Variants in RASA2 observed in about 807,000 individuals in gnomAD.
The protein encoded by RASA2 is ras GTPase-activating protein 2.
Under a neutral mutation model 118.2 loss-of-function variants are expected in RASA2, and 155 were observed. The ratio of observed to expected loss-of-function variants is 1.31; its 90% CI spans 1.15 to 1.50. The LOEUF is 1.50. Among genes scored for constraint, RASA2 ranks in the 40% most tolerant of loss-of-function variants. The pLI, the probability that RASA2 is intolerant of heterozygous loss-of-function variation, is 0.00. For missense variants in RASA2, 1,016 were observed against 1,009.6 expected (o/e 1.01, Z -0.09); for synonymous variants, 353 against 349.1 (o/e 1.01, Z -0.12).
chr3:141,506,973 TATG>T (rs2081878806), intron 1 of RASA2, among the ~76,000 whole-genome samples: 1 of 144,038 alleles, frequency 6.9e-6, no homozygotes, highest in Non-Finnish European at 1.5e-5. Context: ...TTCATGAAAA[TATG>T]AATACTGTAT....
chr3:141,588,305 T>C (rs1004025043), intron 19 of RASA2, among the ~76,000 whole-genome samples: 5 of 152,196 alleles, frequency 3.3e-5, no homozygotes, highest in Non-Finnish European at 7.3e-5. Flanking sequence ...AAGTAAATTA[T>C]AATTACAACA....
chr3:141,520,449 C>G (rs2082094614), intron 3 of RASA2, among the ~76,000 whole-genome samples: 2 of 152,054 alleles, frequency 1.3e-5, no homozygotes, highest in African/African-American at 4.8e-5. Flanking sequence ...CCCTAGAAAC[C>G]ATTCTTAATT....
chr3:141,579,123 G>A (rs934061433), intron 15 of RASA2, among the ~76,000 whole-genome samples: 4 of 152,006 alleles, frequency 2.6e-5, no homozygotes, highest in Non-Finnish European at 4.4e-5. Flanking sequence ...TGTGGGGGTT[G>A]GGGGGATACT....
chr3:141,518,653 A>G (rs1217439110), intron 3 of RASA2, among the ~76,000 whole-genome samples: 5 of 151,652 alleles, frequency 3.3e-5, no homozygotes, highest in Admixed American at 6.6e-5. Flanking sequence ...TCTGGCTTCT[A>G]TGTTTTTTTG....
chr3:141,552,142 C>T (rs1266788680), intron 5 of RASA2, among the ~76,000 whole-genome samples: 2 of 151,914 alleles, frequency 1.3e-5, no homozygotes, highest in Non-Finnish European at 2.9e-5. Flanking sequence ...TATGGGCATC[C>T]GTGTTTTGGT....
At chr3:141,505,631 A>G (rs1373818896) in intron 1 of RASA2, among the ~76,000 whole-genome samples, 4 of 152,236 alleles carry the variant, frequency 2.6e-5, no homozygotes, top group African/African-American at 9.6e-5. Context: ...GCACCTGATC[A>G]TGGAGGGATG....
At chr3:141,493,574 A>G (rs2081663701) in intron 1 of RASA2, among the ~76,000 whole-genome samples, 1 of 152,188 alleles carries the variant, frequency 6.6e-6, no homozygotes, top group Non-Finnish European at 1.5e-5. Flanking sequence ...CACATACCCT[A>G]CCTAAATGAT....
chr3:141,524,645 G>A (rs2151090582), intron 3 of RASA2, among the ~76,000 whole-genome samples: 1 of 152,050 alleles, frequency 6.6e-6, no homozygotes, highest in Non-Finnish European at 1.5e-5. Flanking sequence ...GAGTGCAGTG[G>A]CGTGGCATGA....
At chr3:141,545,345 G>C (rs1005902056) in intron 5 of RASA2, among the ~76,000 whole-genome samples, 2 of 152,018 alleles carry the variant, frequency 1.3e-5, no homozygotes, top group Admixed American at 1.3e-4. Context: ...AAGCATGGCA[G>C]CATCTGCTTC....
At chr3:141,550,219 A>G (rs771053922) in intron 5 of RASA2, among the ~76,000 whole-genome samples, 4 of 152,202 alleles carry the variant, frequency 2.6e-5, no homozygotes, top group Non-Finnish European at 4.4e-5. Flanking sequence ...TAATTGAGTG[A>G]TCAAAGTTAA....
At chr3:141,585,917 A>G (rs1294506438) in intron 17 of RASA2, 108 bp from the exon 18 acceptor site, 1 of 762,702 alleles carries the variant, frequency 1.3e-6, no homozygotes, top group East Asian at 2.8e-5. Context: ...ATGTGTATTC[A>G]TTAATAATGA....
chr3:141,511,836 G>A (rs915570200), intron 1 of RASA2, among the ~76,000 whole-genome samples: 1 of 152,074 alleles, frequency 6.6e-6, no homozygotes, highest in Non-Finnish European at 1.5e-5. Flanking sequence ...GGTGATTTGG[G>A]AAAGAAAGAT....
intron 15 of RASA2, chr3:141,579,306 A>G (rs898436544): frequency 2.6e-5 from 4 of 152,220 alleles, no homozygotes; most frequent in African/African-American, 9.6e-5. Context: ...TCAGCAGGGT[A>G]TTCATTTAAT....
chr3:141,597,413 C>T (rs1237241837), intron 19 of RASA2, among the ~76,000 whole-genome samples: 1 of 152,082 alleles, frequency 6.6e-6, no homozygotes, highest in East Asian at 1.9e-4. Context: ...GGTATAGGAA[C>T]AGAAAGTAGG....
chr3:141,579,080 C>G (rs955133721), intron 15 of RASA2, among the ~76,000 whole-genome samples: 3 of 152,078 alleles, frequency 2.0e-5, no homozygotes, highest in Non-Finnish European at 4.4e-5. Flanking sequence ...TTCTGGTCAT[C>G]TCTTCCCCTT....
chr3:141,524,715 C>T (rs567304422), intron 3 of RASA2, among the ~76,000 whole-genome samples: 5 of 152,140 alleles, frequency 3.3e-5, no homozygotes, highest in South Asian at 4.2e-4. Flanking sequence ...CTCAGCCTCC[C>T]GAGTAGCTGG....
intron 2 of RASA2, among the ~76,000 whole-genome samples, chr3:141,512,517 C>G (rs188099881): frequency 6.6e-4 from 100 of 152,236 alleles, no homozygotes; most frequent in African/African-American, 2.3e-3. Context: ...GAACTTTCCT[C>G]AAAGTACATC....
At chr3:141,532,289 T>C (rs2082270951) in intron 4 of RASA2, among the ~76,000 whole-genome samples, 1 of 152,082 alleles carries the variant, frequency 6.6e-6, no homozygotes, top group Admixed American at 6.6e-5. Flanking sequence ...CTTTACTACC[T>C]TTCACCATTC....
intron 9 of RASA2, among the ~76,000 whole-genome samples, chr3:141,565,820 G>C (rs1237788893): frequency 6.6e-6 from 1 of 152,178 alleles, no homozygotes; most frequent in Admixed American, 6.5e-5. Flanking sequence ...TAACAGGCTT[G>C]TTTCTAATTA....
Sources: allele counts gnomAD v4.1 joint callset (sites outside exome capture counted in the v4.1 genomes callset), GRCh38; gene constraint gnomAD v4.1.1; transcripts MANE v1.5; gene names NCBI Gene and HGNC (gene_info 2026-07-23, HGNC 2026-07-21).